TCEA3: variants seen among roughly 807,000 people sequenced by gnomAD.
The protein encoded by TCEA3 is transcription elongation factor A3, also known as transcription elongation factor A protein 3.
Under a neutral mutation model 44.0 loss-of-function variants are expected in TCEA3, and 36 were observed. The observed-to-expected ratio is 0.82, with a 90% CI of 0.63 to 1.08. TCEA3 has a LOEUF of 1.08. Ranked by LOEUF, TCEA3 falls within the 50% of genes least tolerant of loss-of-function variation. The pLI is 0.00. For synonymous variants in TCEA3, 162 were observed against 159.7 expected (o/e 1.01, Z -0.11); for missense variants, 392 against 441.2 (o/e 0.89, Z 1.00).
chr1:23,405,029 A>G (rs1414584292), intron 5 of TCEA3, among the ~76,000 whole-genome samples: 2 of 152,044 alleles, frequency 1.3e-5, no homozygotes, highest in African/African-American at 2.4e-5. Context: ...ATTGGAAGAC[A>G]TGGCACCCTG....
chr1:23,398,050 ATCC>A, intron 5 of TCEA3, 95 bp from the exon 6 acceptor site: 1 of 1,450,892 alleles, frequency 6.9e-7, no homozygotes, highest in Non-Finnish European at 9.4e-7. Flanking sequence ...ATCTCCTATA[ATCC>A]TCATAACAAC....
intron 7 of TCEA3, 64 bp from the exon 8 acceptor site, chr1:23,394,097 T>C: frequency 6.3e-7 from 1 of 1,580,110 alleles, no homozygotes; most frequent in South Asian, 1.1e-5. Flanking sequence ...GGCCTGGCCC[T>C]GACGCCTGAG....
At chr1:23,406,674 T>A (rs984762798) in intron 5 of TCEA3, among the ~76,000 whole-genome samples, 3 of 152,090 alleles carry the variant, frequency 2.0e-5, no homozygotes, top group African/African-American at 4.8e-5. Flanking sequence ...TGAGATGGAG[T>A]CTCGTTCCAT....
chr1:23,382,882 A>G (rs1278730415), intron 10 of TCEA3, among the ~76,000 whole-genome samples: 2 of 149,260 alleles, frequency 1.3e-5, no homozygotes, highest in African/African-American at 4.8e-5. Flanking sequence ...TAAGTGCTCA[A>G]TAAGTGAAAA....
At position 23,417,205 on chromosome 1, in the gene TCEA3, G is replaced by A. The variant is rs1767142; in HGVS notation, c.380+44C>T. 0.013 allele frequency: 20,580 copies of A among 1,596,304 alleles called. 1,972 individuals carry two copies. The African/African-American group carries it at 0.22, about 17-fold the overall frequency. On this transcript the variant is annotated intron_variant, in intron 4 of 10. Coordinates refer to ENST00000450454, the MANE Select transcript of TCEA3 (RefSeq NM_003196.3). ...ATACACTGAGTTGCTGTCAGAGGAC[G>A]TGACAAGTGTCAGCTCCCTTCTCTC...
At chr1:23,421,982 G>A (rs1216311078) in intron 1 of TCEA3, among the ~76,000 whole-genome samples, 9 of 152,312 alleles carry the variant, frequency 5.9e-5, no homozygotes, top group African/African-American at 2.2e-4. Context: ...AAAGCCTTGT[G>A]CAAATGTTGC....
chr1:23,424,035 G>A, intron 1 of TCEA3: 2 of 366,168 alleles, frequency 5.5e-6, no homozygotes, highest in South Asian at 2.0e-5. Context: ...CGCACCAAGC[G>A]GTGGGGTCGC....
chr1:23,394,146 A>G (rs1391230988), intron 7 of TCEA3, 113 bp from the exon 8 acceptor site: 2 of 1,313,448 alleles, frequency 1.5e-6, no homozygotes, highest in South Asian at 1.5e-5. Flanking sequence ...GGACTTCTAC[A>G]GGAGTTGGGC....
At position 23,387,294 on chromosome 1, in the gene TCEA3, CT is replaced by C; in HGVS notation, c.944del (p.Lys315ArgfsTer18). 1.9e-6 allele frequency: 3 copies of C among 1,613,998 alleles called. No individual in the cohort carries two copies. Among genetic ancestry groups the C allele is most frequent in the Non-Finnish European group, 2.5e-6 (3 of 1,179,894 alleles). ...TTACCTGGTTATAGGTGCAGTTCTTCTTCTTGCATTTGCTGCACTGGAAGAG... is the reference window on the plus strand; with the variant it reads ...TTACCTGGTTATAGGTGCAGTTCTTCTCTTGCATTTGCTGCACTGGAAGAG... ...TDLFQCSKCK[K>X]KNCTYNQVQT... On this transcript the variant is annotated frameshift_variant, in exon 9 of 11. Coordinates refer to ENST00000450454, the MANE Select transcript of TCEA3 (RefSeq NM_003196.3). LOFTEE classifies it high-confidence loss of function.
chr1:23,381,803 G>A (rs571278612), intron 10 of TCEA3, among the ~76,000 whole-genome samples: 8 of 152,162 alleles, frequency 5.3e-5, no homozygotes, highest in Non-Finnish European at 8.8e-5. Flanking sequence ...ACATGGCAAC[G>A]GAGACCAACT....
intron 10 of TCEA3, chr1:23,383,322 G>A (rs891696629): frequency 8.5e-5 from 60 of 703,400 alleles, no homozygotes; most frequent in Non-Finnish European, 9.2e-5. Context: ...TCAGGAAGTC[G>A]GAGCATCGGC....
At position 23,383,792 on chromosome 1, in the gene TCEA3, C is replaced by T. The variant is rs564278262; in HGVS notation, c.1038+554G>A. ...CTCTGGGAGGAGTCTTTGTTTGGCT[C>T]CCATGCGTGAAAACAAAACTTCTGC... On this transcript the variant is annotated intron_variant, in intron 10 of 10. Transcript: ENST00000450454. 1.8e-5 allele frequency: 18 copies of T among 985,978 alleles called. No homozygotes were observed. The South Asian group carries it at 8.0e-4, about 44-fold the overall frequency. 61.1% of individuals were successfully genotyped at this position (985,978 alleles called of 1,614,324 possible). A position where few individuals can be genotyped will look rare whatever the true frequency, so the allele number is the denominator to read the frequency against.
At chr1:23,422,383 A>G in intron 1 of TCEA3, among the ~76,000 whole-genome samples, 1 of 152,166 alleles carries the variant, frequency 6.6e-6, no homozygotes, top group East Asian at 1.9e-4. Flanking sequence ...TGTAGCTGTG[A>G]CCGTAGGCAC....
intron 4 of TCEA3, 106 bp downstream of exon 4, chr1:23,417,143 T>C: frequency 3.6e-6 from 5 of 1,396,102 alleles, no homozygotes; most frequent in Non-Finnish European, 4.9e-6. Flanking sequence ...AATACCAATA[T>C]CTTCCTCCCC....
intron 8 of TCEA3, among the ~76,000 whole-genome samples, chr1:23,392,361 TAC>T (rs1385784795): frequency 7.3e-6 from 1 of 137,550 alleles, no homozygotes; most frequent in African/African-American, 2.7e-5. Context: ...CCACACATCA[TAC>T]ACACACACTC....
intron 10 of TCEA3, chr1:23,383,638 G>A (rs890125901): frequency 1.0e-6 from 1 of 985,436 alleles, no homozygotes; most frequent in Non-Finnish European, 1.2e-6. Context: ...TAGAACTTTT[G>A]GAGCACCTGC....
chr1:23,400,155 G>A (rs891922474), intron 5 of TCEA3, among the ~76,000 whole-genome samples: 5 of 152,192 alleles, frequency 3.3e-5, no homozygotes, highest in African/African-American at 1.2e-4. Context: ...TAAAACAAAA[G>A]CCACCATTTA....
chr1:23,384,100 T>C, intron 10 of TCEA3: 3 of 1,335,692 alleles, frequency 2.2e-6, no homozygotes, highest in Non-Finnish European at 2.9e-6. Flanking sequence ...GCTCATCCTG[T>C]GATAAAATGT....
At chr1:23,393,794 G>T in intron 8 of TCEA3, 85 bp downstream of exon 8, 1 of 1,502,648 alleles carries the variant, frequency 6.7e-7, no homozygotes, top group South Asian at 1.3e-5. Context: ...CACTGCTGAT[G>T]AGTCACGAGC....
Sources: gnomAD v4.1 joint callset for allele counts (sites outside exome capture counted in the v4.1 genomes callset) on GRCh38, gnomAD v4.1.1 for gene constraint, MANE v1.5 for transcripts, NCBI Gene and HGNC (gene_info 2026-07-23, HGNC 2026-07-21) for gene names.